The following ECH1 variants were observed in gnomAD, a reference collection of about 807,000 sequenced individuals.
The protein encoded by ECH1 is delta(3,5)-Delta(2,4)-dienoyl-CoA isomerase, mitochondrial.
A neutral mutation model predicts 37.0 loss-of-function variants in ECH1; 30 were observed. The ratio of observed to expected loss-of-function variants is 0.81; its 90% CI spans 0.61 to 1.10. The LOEUF (loss-of-function observed/expected upper bound fraction) is 1.10. Ranked by LOEUF, ECH1 falls within the 50% of genes least tolerant of loss-of-function variation. The pLI, the probability that ECH1 is intolerant of heterozygous loss-of-function variation, is 0.00. For missense variants in ECH1, 456 were observed against 441.6 expected, an observed-to-expected ratio of 1.03 and a Z score of -0.29; for synonymous variants, 178 against 176.0, an observed-to-expected ratio of 1.01 and a Z score of -0.09.
rs139170402 is a variant in ECH1 at position 38,816,786 on chromosome 19, C to T, written c.589-263G>A. The T allele has an allele frequency of 2.1e-3, 1,330 of 620,710 alleles. 11 individuals carry two copies. Among genetic ancestry groups the T allele is most frequent in the African/African-American group, 0.021 (1,143 of 54,424 alleles). The allele number at this position is 620,710 out of a possible 1,614,324, so 38.5% of individuals were successfully genotyped here. On this transcript the variant is annotated intron_variant, in intron 6 of 9. Transcript: ENST00000221418. ...TCTGTGAGAGAGGAACCCTCCTCAC[C>T]CTACCTGAGACCCCTTTACTGCATC...
Position 38,831,747 on chromosome 19 carries a change from C to CGA in ECH1, c.24_25dup (p.Arg9LeufsTer8). 1 of 1,612,916 alleles carries CGA rather than the reference C, an allele frequency of 6.2e-7. No homozygotes were observed. The highest frequency in any genetic ancestry group is 8.5e-7 in the Non-Finnish European group (1 of 1,179,722). ...CCGGGTCAGTAGGTCGCGGAGTCTGCGAGAAGCCACTATCCCCGCCGCCAT... is the reference window on the plus strand; with the variant it reads ...CCGGGTCAGTAGGTCGCGGAGTCTGCGAGAGAAGCCACTATCCCCGCCGCCAT... On this transcript the variant is annotated frameshift_variant, in exon 1 of 10. Coordinates refer to ENST00000221418, the MANE Select transcript of ECH1 (RefSeq NM_001398.3). LOFTEE classifies it high-confidence loss of function.
intron 8 of ECH1, 75 bp downstream of exon 8, chr19:38,816,209 A>G: frequency 6.4e-7 from 1 of 1,568,790 alleles, no homozygotes; most frequent in Non-Finnish European, 8.7e-7. Context: ...CGAGGAGACA[A>G]GGGGACCCGG....
chr19:38,822,353 CTT>C (rs1295497614), intron 3 of ECH1, among the ~76,000 whole-genome samples: 1 of 149,672 alleles, frequency 6.7e-6, no homozygotes, highest in African/African-American at 2.5e-5. Context: ...CTTGGAGACT[CTT>C]TATGTCTAGC....
rs1266842255 is a variant in ECH1 at position 38,817,100 on chromosome 19, G to A, written c.553C>T (p.Arg185Trp). 5.1e-6 allele frequency: 8 copies of A among 1,577,004 alleles called. No homozygotes were observed. Among genetic ancestry groups the A allele is most frequent in the East Asian group, 2.4e-5 (1 of 42,326 alleles). ...GVDLVTACDI[R>W]YCAQDAFFQV... ...AAGAAAGCATCCTGGGCACAGTACC[G>A]GATGTCACAGGCGGTGACAAGGTCC... Residue 185 changes from arginine to tryptophan, a missense_variant, in exon 6 of 10, where the codon CGG becomes TGG. Coordinates refer to ENST00000221418, the MANE Select transcript of ECH1 (RefSeq NM_001398.3).
intron 3 of ECH1, chr19:38,819,206 C>T: frequency 2.0e-6 from 2 of 985,376 alleles, no homozygotes; most frequent in Non-Finnish European, 2.4e-6. Context: ...TGCAGTGGTA[C>T]AGAATCTTCT....
At chr19:38,825,653 A>G (rs187145596) in intron 3 of ECH1, among the ~76,000 whole-genome samples, 3 of 152,216 alleles carry the variant, frequency 2.0e-5, no homozygotes, top group Admixed American at 2.0e-4. Context: ...AGCCTTAGTT[A>G]TGGCCCTCAG....
chr19:38,824,456 C>T (rs963895855), intron 3 of ECH1, among the ~76,000 whole-genome samples: 1 of 152,100 alleles, frequency 6.6e-6, no homozygotes, highest in African/African-American at 2.4e-5. Flanking sequence ...AACATTCAGC[C>T]ATCAACAGGC....
intron 3 of ECH1, among the ~76,000 whole-genome samples, chr19:38,825,398 A>G (rs1971724351): frequency 6.6e-6 from 1 of 152,230 alleles, no homozygotes. Flanking sequence ...GCCTTCCTCG[A>G]GCAGCTATAG....
intron 3 of ECH1, among the ~76,000 whole-genome samples, chr19:38,819,908 C>T (rs542263967): frequency 5.9e-5 from 9 of 151,776 alleles, no homozygotes; most frequent in Admixed American, 3.3e-4. Flanking sequence ...GCTATGATCG[C>T]GCCACTGCAC....
intron 3 of ECH1, among the ~76,000 whole-genome samples, chr19:38,824,369 G>A (rs1971708439): frequency 6.6e-6 from 1 of 152,162 alleles, no homozygotes; most frequent in African/African-American, 2.4e-5. Context: ...CAGGGTACAG[G>A]GACTGTTGCA....
At chr19:38,829,186 C>T (rs1435394114) in intron 3 of ECH1, among the ~76,000 whole-genome samples, 1 of 147,472 alleles carries the variant, frequency 6.8e-6, no homozygotes, top group East Asian at 2.0e-4. Context: ...TCAGGAGGCT[C>T]AGGCAGGAGA....
At chr19:38,821,144 G>A (rs1215470805) in intron 3 of ECH1, among the ~76,000 whole-genome samples, 1 of 152,126 alleles carries the variant, frequency 6.6e-6, no homozygotes, top group Non-Finnish European at 1.5e-5. Context: ...TGTGCATGGT[G>A]GTGCACACCT....
In ECH1 at chr19:38,828,703, C is replaced by T. The variant is rs910736461; in HGVS notation, c.349+2375G>A. Among the ~76,000 whole-genome samples, 22 of 152,200 alleles carry T rather than the reference C, an allele frequency of 1.4e-4. No homozygotes were observed. The East Asian group carries it at 4.1e-3, about 28-fold the overall frequency. On this transcript the variant is annotated intron_variant, in intron 3 of 9. Transcript: ENST00000221418. ...CCATCTCGGCTCACTGCAACCTCTG[C>T]CTCCCAGGTTCACGCCATTCTCCTG...
chr19:38,823,433 G>C (rs1488485517), intron 3 of ECH1, among the ~76,000 whole-genome samples: 1 of 152,130 alleles, frequency 6.6e-6, no homozygotes, highest in Admixed American at 6.5e-5. Context: ...TTGCTATTCT[G>C]TCCTATTTTT....
intron 6 of ECH1, 190 bp downstream of exon 6, chr19:38,816,875 C>T (rs1341041998): frequency 2.9e-6 from 2 of 694,674 alleles, no homozygotes; most frequent in South Asian, 1.8e-5. Flanking sequence ...CTGCCTCTGA[C>T]ACCTGCCAGC....
rs1971815439 is a variant in ECH1 at position 38,831,170 on chromosome 19, T to C, written c.261-4A>G. 1.3e-5 allele frequency: 21 copies of C among 1,613,944 alleles called. No homozygotes were observed. Among genetic ancestry groups the C allele is most frequent in the Non-Finnish European group, 1.6e-5 (19 of 1,180,002 alleles). On this transcript the variant is annotated splice_region_variant and splice_polypyrimidine_tract_variant and intron_variant, in intron 2 of 9. Coordinates refer to ENST00000221418, the MANE Select transcript of ECH1 (RefSeq NM_001398.3). ...GTTGAAGCACTCTACCATCTCTCTG[T>C]GAAGCAACGAGTGAAGGGTTACAAA...
At position 38,831,387 on chromosome 19, in the gene ECH1, G is replaced by T. The variant is rs564892698; in HGVS notation, c.182C>A (p.Thr61Lys). The stretch of plus-strand genomic sequence containing the variant: ...ATGCAGAACATGTTTCTGCGCAGAC[G>T]TCACACGAAGGGACTCATAGCTGTG... The part of the protein sequence containing the change: ...PDHSYESLRV[T>K]SAQKHVLHVQ... Residue 61 changes from threonine to lysine, a missense_variant, in exon 2 of 10, where the codon ACG becomes AAG. Physicochemically the swap from Thr to Lys is moderately conservative, Grantham distance 78. Transcript: ENST00000221418. The T allele has an allele frequency of 3.5e-5, 56 of 1,613,884 alleles. No individual in the cohort carries two copies. The highest frequency in any genetic ancestry group is 4.6e-5 in the Non-Finnish European group (54 of 1,180,030).
chr19:38,817,696 C>T (rs1426810330), intron 3 of ECH1, 121 bp from the exon 4 acceptor site: 5 of 1,431,244 alleles, frequency 3.5e-6, no homozygotes, highest in Non-Finnish European at 4.6e-6. Context: ...GGAAAAAAAA[C>T]AACTCACACA....
chr19:38,817,900 T>C, intron 3 of ECH1: 1 of 275,434 alleles, frequency 3.6e-6, no homozygotes, highest in Non-Finnish European at 5.5e-6. Context: ...TGGTGAGTAG[T>C]GAGTAATGAA....
Sources: gnomAD v4.1 joint callset for allele counts (sites outside exome capture counted in the v4.1 genomes callset) on GRCh38, gnomAD v4.1.1 for gene constraint, MANE v1.5 for transcripts, NCBI Gene and HGNC (gene_info 2026-07-23, HGNC 2026-07-21) for gene names.